Variants in ZNF326 observed in about 807,000 individuals in gnomAD.
The protein encoded by ZNF326 is zinc finger protein 326.
ZNF326 carries 30 observed loss-of-function variants against 63.1 expected under a neutral mutation model. The observed-to-expected ratio is 0.48, with a 90% CI of 0.36 to 0.64. The LOEUF (loss-of-function observed/expected upper bound fraction) is 0.64, where lower values mean the gene tolerates loss of function less well. ZNF326 is among the 30% of genes least tolerant of loss of function. ZNF326 has a pLI of 0.00. For synonymous variants in ZNF326, 194 were observed against 228.2 expected, an observed-to-expected ratio of 0.85 and a Z score of 1.35; for missense variants, 609 against 720.3, an observed-to-expected ratio of 0.85 and a Z score of 1.77.
intron 7 of ZNF326, among the ~76,000 whole-genome samples, chr1:90,015,507 T>C (rs1240409060): frequency 6.6e-6 from 1 of 152,030 alleles, no homozygotes; most frequent in Non-Finnish European, 1.5e-5. Context: ...TGGTGAAACC[T>C]CATTTCTACA....
intron 1 of ZNF326, among the ~76,000 whole-genome samples, chr1:89,996,969 T>C (rs1215332905): frequency 1.3e-5 from 2 of 152,226 alleles, no homozygotes; most frequent in African/African-American, 2.4e-5. Flanking sequence ...CTATGGAGAA[T>C]TGAAAAACAA....
intron 4 of ZNF326, chr1:90,006,404 T>C: frequency 2.0e-6 from 2 of 985,226 alleles, no homozygotes; most frequent in Non-Finnish European, 2.4e-6. Flanking sequence ...TTATCTCATG[T>C]GTAATTGTGG....
rs2802012 is a variant in ZNF326 at position 89,997,594 on chromosome 1, G to A, written c.17-516G>A. ...TCACCATATTGGACGGGCTGGTCTC[G>A]AACTCCTGACCTCGTGACCCGCCCA... is the stretch of plus-strand genomic sequence containing the variant. On this transcript the variant is annotated intron_variant, in intron 1 of 11. Coordinates refer to ENST00000340281, the MANE Select transcript of ZNF326 (RefSeq NM_182976.4). 8.5e-3 allele frequency among the ~76,000 whole-genome samples: 1,300 copies of A among 152,160 alleles called. 13 individuals are homozygous for A. Among genetic ancestry groups the A allele is most frequent in the African/African-American group, 0.03 (1,238 of 41,516 alleles).
At chr1:90,017,551 T>G in intron 8 of ZNF326, 87 bp downstream of exon 8, 4 of 1,266,208 alleles carry the variant, frequency 3.2e-6, no homozygotes, top group Non-Finnish European at 4.3e-6. Flanking sequence ...CTCTCACATT[T>G]ATGTTTCTAA....
At chr1:90,014,592 T>A (rs1351444144) in intron 7 of ZNF326, among the ~76,000 whole-genome samples, 1 of 152,176 alleles carries the variant, frequency 6.6e-6, no homozygotes, top group Non-Finnish European at 1.5e-5. Context: ...TATTAGCAAT[T>A]TAGCAGTTTT....
At chr1:89,995,385 G>C in intron 1 of ZNF326, 112 bp downstream of exon 1, 2 of 1,356,152 alleles carry the variant, frequency 1.5e-6, no homozygotes, top group Non-Finnish European at 1.9e-6. Flanking sequence ...TGCGGGCCCG[G>C]AGGCCGCCCG....
intron 11 of ZNF326, among the ~76,000 whole-genome samples, chr1:90,025,145 CCT>C (rs770049650): frequency 2.0e-5 from 3 of 152,128 alleles, no homozygotes; most frequent in Non-Finnish European, 4.4e-5. Flanking sequence ...CTCTTTGCTT[CCT>C]CTCTATTATT....
chr1:90,027,455 G>T lies in ZNF326; in HGVS notation c.1503G>T (p.Glu501Asp), dbSNP rs767300359. The change falls in exon 12 of 12, where the codon GAG becomes GAT. Residue 501 changes from glutamate (E) to aspartate (D), a missense_variant. This residue lies in a region of ZNF326 where 399 missense variants were observed against 444.3 expected (regional missense o/e 0.90). Coordinates refer to ENST00000340281, the MANE Select transcript of ZNF326 (RefSeq NM_182976.4). The stretch of plus-strand genomic sequence containing the variant: ...TTGATGAACCTATTGAAGAAGAGGA[G>T]GATGAAGATGAGGAAGAAGAAGCAG... ...EKIDEPIEEEEDEDEEEEAEE... is the reference protein window; with the variant it reads ...EKIDEPIEEEDDEDEEEEAEE... The T allele has an allele frequency of 8.1e-6, 13 of 1,613,384 alleles. No homozygotes were observed. In the Admixed American group the frequency reaches 1.5e-4, roughly 19 times the overall value.
At chr1:90,003,371 A>G (rs1420534007) in intron 2 of ZNF326, among the ~76,000 whole-genome samples, 1 of 152,144 alleles carries the variant, frequency 6.6e-6, no homozygotes, top group Non-Finnish European at 1.5e-5. Flanking sequence ...TGACCTCGTG[A>G]TCTACCTGCC....
intron 2 of ZNF326, among the ~76,000 whole-genome samples, chr1:89,998,959 T>G (rs989647466): frequency 1.3e-5 from 2 of 152,236 alleles, no homozygotes; most frequent in African/African-American, 2.4e-5. Context: ...GAACAGTTAA[T>G]TTTTATTTCA....
intron 8 of ZNF326, among the ~76,000 whole-genome samples, chr1:90,017,847 A>G (rs1373363202): frequency 3.3e-5 from 5 of 152,220 alleles, no homozygotes; most frequent in Admixed American, 3.3e-4. Flanking sequence ...GTTAAGTGAC[A>G]ATGCCAGGAA....
chr1:90,001,677 C>T (rs1343464831), intron 2 of ZNF326, among the ~76,000 whole-genome samples: 1 of 151,964 alleles, frequency 6.6e-6, no homozygotes, highest in Non-Finnish European at 1.5e-5. Context: ...CCTCAGCCTC[C>T]TGAGTAGCTG....
intron 1 of ZNF326, among the ~76,000 whole-genome samples, chr1:89,996,232 G>C (rs1337953284): frequency 6.6e-6 from 1 of 152,190 alleles, no homozygotes; most frequent in African/African-American, 2.4e-5. Flanking sequence ...GGACTTATGT[G>C]ATTAAACTGG....
chr1:90,027,567 G>A lies in ZNF326; in HGVS notation c.1615G>A (p.Gly539Arg), dbSNP rs1393999934. The change falls in exon 12 of 12, where the codon GGG becomes AGG. Residue 539 changes from glycine to arginine, a missense_variant. This residue lies in a region of ZNF326 where 399 missense variants were observed against 444.3 expected (regional missense o/e 0.90). Transcript: ENST00000340281. ...IEGEGNIQGV[G>R]EGGEVGVVGE... Reference sequence around the variant, plus strand: ...GGGCGAGGGAAATATACAGGGAGTAGGGGAAGGAGGGGAAGTAGGGGTAGT... The same window carrying A: ...GGGCGAGGGAAATATACAGGGAGTAAGGGAAGGAGGGGAAGTAGGGGTAGT... 6.2e-7 allele frequency: 1 copy of A among 1,608,238 alleles called. No homozygotes were observed. The highest frequency in any genetic ancestry group is 1.3e-5 in the African/African-American group (1 of 74,776).
chr1:90,019,778 T>G (rs1419673870), intron 9 of ZNF326, among the ~76,000 whole-genome samples: 1 of 152,144 alleles, frequency 6.6e-6, no homozygotes, highest in Non-Finnish European at 1.5e-5. Context: ...CTGACATCTC[T>G]TTACAGCAGT....
chr1:89,998,289 T>G (rs1039807391), intron 2 of ZNF326, 135 bp downstream of exon 2: 1 of 731,058 alleles, frequency 1.4e-6, no homozygotes, highest in South Asian at 2.2e-5. Flanking sequence ...TCTTACTATA[T>G]ATAGTATTTG....
chr1:89,995,190 C>G lies in ZNF326; in HGVS notation c.-68C>G. On this transcript the variant is annotated 5_prime_UTR_variant, in exon 1 of 12. Coordinates refer to ENST00000340281, the MANE Select transcript of ZNF326 (RefSeq NM_182976.4). ...GGAGTGATCGTGTGGAATCGCGGGT[C>G]GCGGACGCTCGCCGCCGGCCATAGC... 3.3e-6 allele frequency: 5 copies of G among 1,511,664 alleles called. No homozygotes were observed. The highest frequency in any genetic ancestry group is 4.4e-6 in the Non-Finnish European group (5 of 1,130,600). 93.6% of individuals were successfully genotyped at this position (1,511,664 alleles called of 1,614,324 possible). A position where few individuals can be genotyped will look rare whatever the true frequency, so the allele number is the denominator to read the frequency against.
chr1:89,997,056 A>G (rs1248251787), intron 1 of ZNF326, among the ~76,000 whole-genome samples: 2 of 152,242 alleles, frequency 1.3e-5, no homozygotes, highest in African/African-American at 4.8e-5. Flanking sequence ...TAGAAATTCT[A>G]AACAATATTA....
In ZNF326 at chr1:90,003,256, G is replaced by A. The variant is rs544374974; in HGVS notation, c.62-1747G>A. 1.9e-3 allele frequency among the ~76,000 whole-genome samples: 283 copies of A among 151,908 alleles called. 1 individual carries two copies. The highest frequency in any genetic ancestry group is 6.3e-3 in the African/African-American group (263 of 41,430). ...TGCCATTCTCCTGCCTCAGCCTGCC[G>A]AGTAGCTGGGACTACAGGCACCTGC... On this transcript the variant is annotated intron_variant, in intron 2 of 11. Coordinates refer to ENST00000340281, the MANE Select transcript of ZNF326 (RefSeq NM_182976.4).
Sources: allele counts gnomAD v4.1 joint callset (sites outside exome capture counted in the v4.1 genomes callset), GRCh38; gene constraint gnomAD v4.1.1; regional missense constraint gnomAD v4.1.1; transcripts MANE v1.5; gene names NCBI Gene and HGNC (gene_info 2026-07-23, HGNC 2026-07-21).